Variants in TEC observed in about 807,000 individuals in gnomAD.
TEC encodes the protein tec protein tyrosine kinase, also known as tyrosine-protein kinase Tec.
A neutral mutation model predicts 93.0 loss-of-function variants in TEC; 72 were observed. That is an observed-to-expected ratio of 0.77 (90% confidence interval 0.64 to 0.94). The LOEUF (loss-of-function observed/expected upper bound fraction) is 0.94, where lower values mean the gene tolerates loss of function less well. Among genes scored for constraint, TEC ranks in the 40% least tolerant of loss-of-function variants. TEC has a pLI of 0.00. For synonymous variants in TEC, 249 were observed against 247.7 expected (o/e 1.01, Z -0.05); for missense variants, 630 against 757.9 (o/e 0.83, Z 1.98).
chr4:48,147,373 G>A lies in TEC; in HGVS notation c.1007-974C>T, dbSNP rs543980834. Among the ~76,000 whole-genome samples, 78 of 152,256 alleles carry A rather than the reference G, an allele frequency of 5.1e-4. 3 individuals are homozygous for A. In the South Asian group the frequency reaches 0.015, roughly 30 times the overall value. On this transcript the variant is annotated intron_variant, in intron 11 of 17. Transcript: ENST00000381501. ...GAACAAATGTGGAAACAACCCAAAT[G>A]TCCATCAACTGATGAATAATAAAAT... is the stretch of plus-strand genomic sequence containing the variant.
At chr4:48,192,681 A>C (rs1722134325) in intron 2 of TEC, among the ~76,000 whole-genome samples, 1 of 152,240 alleles carries the variant, frequency 6.6e-6, no homozygotes, top group African/African-American at 2.4e-5. Flanking sequence ...AGATTAAGCA[A>C]AATAACTCTG....
intron 8 of TEC, among the ~76,000 whole-genome samples, chr4:48,158,811 A>G (rs1720505548): frequency 1.3e-5 from 2 of 152,186 alleles, no homozygotes; most frequent in Non-Finnish European, 2.9e-5. Context: ...GGAAAGAAGG[A>G]ATCCACTGCA....
chr4:48,265,455 A>ACATATATG (rs1560430045), intron 1 of TEC, among the ~76,000 whole-genome samples: 1 of 40,356 alleles, frequency 2.5e-5, no homozygotes, highest in African/African-American at 5.0e-5. Flanking sequence ...GTATATATAT[A>ACATATATG]CATATATACA....
Position 48,195,981 on chromosome 4 carries a change from T to C in TEC, c.139-19795A>G, listed in dbSNP as rs116341004. Among the ~76,000 whole-genome samples the C allele has an allele frequency of 7.2e-3, 1,095 of 152,314 alleles. 7 individuals carry two copies. Among genetic ancestry groups the C allele is most frequent in the Middle Eastern group, 0.014 (4 of 294 alleles). On this transcript the variant is annotated intron_variant, in intron 2 of 17. Coordinates refer to ENST00000381501, the MANE Select transcript of TEC (RefSeq NM_003215.3). Reference sequence around the variant, plus strand: ...GAAGCTTTATCTGTCTGCTTTTCTCTTCCTTACCCCCGCCTCACCTCCCTT... The same window carrying C: ...GAAGCTTTATCTGTCTGCTTTTCTCCTCCTTACCCCCGCCTCACCTCCCTT...
chr4:48,203,779 G>A (rs960493946), intron 2 of TEC, among the ~76,000 whole-genome samples: 1 of 152,164 alleles, frequency 6.6e-6, no homozygotes, highest in Non-Finnish European at 1.5e-5. Context: ...ACACTGAGAT[G>A]TCTAAAATAA....
At chr4:48,225,655 G>A (rs1442032783) in intron 2 of TEC, among the ~76,000 whole-genome samples, 1 of 151,966 alleles carries the variant, frequency 6.6e-6, no homozygotes, top group Admixed American at 6.6e-5. Context: ...GCCCAGCACT[G>A]TCAGAACTTT....
In TEC at chr4:48,166,466, T is replaced by A. The variant is rs368614010; in HGVS notation, c.671+1312A>T. ...ATATTAAGGGAAAGTCTACAGACGATCTTATTTAAAATACTGTTATTAAGA... is the reference window on the plus strand; with the variant it reads ...ATATTAAGGGAAAGTCTACAGACGAACTTATTTAAAATACTGTTATTAAGA... On this transcript the variant is annotated intron_variant, in intron 7 of 17. Transcript: ENST00000381501. Among the ~76,000 whole-genome samples, 5 of 152,286 alleles carry A rather than the reference T, an allele frequency of 3.3e-5. No homozygotes were observed. In the East Asian group the frequency reaches 5.8e-4, roughly 18 times the overall value.
intron 2 of TEC, 149 bp downstream of exon 2, chr4:48,228,328 T>A (rs886074108): frequency 4.9e-6 from 4 of 821,310 alleles, no homozygotes; most frequent in Non-Finnish European, 7.1e-6. Context: ...TTTCTATCCA[T>A]ACTCTGAAAT....
chr4:48,185,652 AATAT>A (rs903134204), intron 2 of TEC, among the ~76,000 whole-genome samples: 1 of 152,178 alleles, frequency 6.6e-6, no homozygotes, highest in Non-Finnish European at 1.5e-5. Flanking sequence ...AGAAACCAGT[AATAT>A]ATATATAAGC....
At chr4:48,176,276 A>C (rs1721322331) in intron 2 of TEC, 90 bp from the exon 3 acceptor site, 1 of 897,884 alleles carries the variant, frequency 1.1e-6, no homozygotes, top group Admixed American at 2.2e-5. Flanking sequence ...CTCTGATTCA[A>C]AATATTGCAA....
intron 1 of TEC, among the ~76,000 whole-genome samples, chr4:48,254,790 G>A (rs1230362284): frequency 6.6e-6 from 1 of 152,218 alleles, no homozygotes; most frequent in Non-Finnish European, 1.5e-5. Context: ...ATCCATTTGT[G>A]GGCTATGCCA....
chr4:48,233,908 G>A (rs60289995), intron 1 of TEC, among the ~76,000 whole-genome samples: 1 of 150,488 alleles, frequency 6.6e-6, no homozygotes, highest in East Asian at 1.9e-4. Context: ...GTTCCAGAAA[G>A]AGAAAGCAAA....
At position 48,203,390 on chromosome 4, in the gene TEC, G is replaced by A. The variant is rs187082255; in HGVS notation, c.138+25087C>T. Among the ~76,000 whole-genome samples, 537 of 152,086 alleles carry A rather than the reference G, an allele frequency of 3.5e-3. 3 individuals carry two copies. The highest frequency in any genetic ancestry group is 5.8e-3 in the Non-Finnish European group (394 of 67,966). The stretch of plus-strand genomic sequence containing the variant: ...AAAAAAACAAAAACAAAAACTTGGG[G>A]TTTAGACAGCTCATGGTAGCACCAG... On this transcript the variant is annotated intron_variant, in intron 2 of 17. Transcript: ENST00000381501.
At chr4:48,189,063 C>T (rs1475433141) in intron 2 of TEC, among the ~76,000 whole-genome samples, 2 of 152,098 alleles carry the variant, frequency 1.3e-5, no homozygotes, top group Admixed American at 6.5e-5. Context: ...ATACAGTTTC[C>T]TTTTCAAATA....
At position 48,210,149 on chromosome 4, in the gene TEC, T is replaced by C. The variant is rs375805210; in HGVS notation, c.138+18328A>G. 5.6e-4 allele frequency among the ~76,000 whole-genome samples: 86 copies of C among 152,280 alleles called. 1 individual carries two copies. The South Asian group carries it at 0.017, about 30-fold the overall frequency. On this transcript the variant is annotated intron_variant, in intron 2 of 17. Transcript: ENST00000381501. Reference sequence around the variant, plus strand: ...GAATTGAAAGAGCCTAAAGCTTACTTTTCTTTAACTCCATAGCAGACCCAC... The same window carrying C: ...GAATTGAAAGAGCCTAAAGCTTACTCTTCTTTAACTCCATAGCAGACCCAC...
chr4:48,251,825 A>G (rs1724211895), intron 1 of TEC, among the ~76,000 whole-genome samples: 2 of 152,236 alleles, frequency 1.3e-5, no homozygotes, highest in Admixed American at 6.5e-5. Flanking sequence ...AGGAGTAATT[A>G]AAATGGTTTC....
intron 1 of TEC, among the ~76,000 whole-genome samples, chr4:48,253,888 A>G (rs776441706): frequency 1.2e-4 from 18 of 151,950 alleles, no homozygotes; most frequent in South Asian, 2.1e-4. Context: ...ATCATGTCCA[A>G]TTTAATCTGA....
chr4:48,168,527 C>T (rs1044119049), intron 6 of TEC, 59 bp downstream of exon 6: 9 of 1,563,100 alleles, frequency 5.8e-6, no homozygotes, highest in Non-Finnish European at 7.9e-6. Context: ...ACTACCAAAA[C>T]TTAAGACTTA....
chr4:48,261,289 C>A (rs1724492015), intron 1 of TEC, among the ~76,000 whole-genome samples: 1 of 152,238 alleles, frequency 6.6e-6, no homozygotes, highest in African/African-American at 2.4e-5. Flanking sequence ...AATTGTATTT[C>A]TGTTTCCCTG....
Sources: gnomAD v4.1 joint callset for allele counts (sites outside exome capture counted in the v4.1 genomes callset) on GRCh38, gnomAD v4.1.1 for gene constraint, MANE v1.5 for transcripts, NCBI Gene and HGNC (gene_info 2026-07-23, HGNC 2026-07-21) for gene names.